Variants in ARHGEF18 observed in about 807,000 individuals in gnomAD.
ARHGEF18 encodes Rho/Rac guanine nucleotide exchange factor 18, also known as rho guanine nucleotide exchange factor 18.
ARHGEF18 carries 93 observed loss-of-function variants against 155.7 expected under a neutral mutation model. The observed-to-expected ratio is 0.60, with a 90% CI of 0.50 to 0.71. ARHGEF18 has a LOEUF of 0.71. Among genes scored for constraint, ARHGEF18 ranks in the 30% least tolerant of loss-of-function variants. The pLI is 0.00. For missense variants in ARHGEF18, 1,593 were observed against 1,816.1 expected (o/e 0.88, Z 2.23); for synonymous variants, 742 against 753.1 (o/e 0.99, Z 0.24).
chr19:7,427,233 G>T (rs936582580), intron 10 of ARHGEF18, among the ~76,000 whole-genome samples: 5 of 152,178 alleles, frequency 3.3e-5, no homozygotes, highest in African/African-American at 1.2e-4. Flanking sequence ...GAGGTCAAAT[G>T]TTGCCCCAGC....
At chr19:7,410,310 T>C (rs1463212669) in intron 10 of ARHGEF18, among the ~76,000 whole-genome samples, 1 of 152,132 alleles carries the variant, frequency 6.6e-6, no homozygotes, top group East Asian at 1.9e-4. Context: ...TGGTTTCCTC[T>C]GTCCGTCTTA....
rs1976657107 is a variant in ARHGEF18 at position 7,466,899 on chromosome 19, G to T, written c.2905-19G>T. 1.9e-6 allele frequency: 3 copies of T among 1,609,422 alleles called. No homozygotes were observed. In the East Asian group the frequency reaches 6.7e-5, roughly 36 times the overall value. On this transcript the variant is annotated intron_variant, in intron 23 of 28. Transcript: ENST00000668164. ...GGTCTTGAGCCACTCTCTCTGGTTTGACGGTGTCCTCTTCCCAGGTGGAGG... is the reference window on the plus strand; with the variant it reads ...GGTCTTGAGCCACTCTCTCTGGTTTTACGGTGTCCTCTTCCCAGGTGGAGG...
In ARHGEF18 at chr19:7,395,377, T is replaced by A; in HGVS notation, c.967+12174T>A. 1 of 932,352 alleles carries A rather than the reference T, an allele frequency of 1.1e-6. No individual in the cohort carries two copies. The highest frequency in any genetic ancestry group is 4.9e-5 in the South Asian group (1 of 20,234). The allele number at this position is 932,352 out of a possible 1,614,324, so 57.8% of individuals were successfully genotyped here. On this transcript the variant is annotated intron_variant, in intron 10 of 28. Coordinates refer to ENST00000668164, the MANE Select transcript of ARHGEF18 (RefSeq NM_001367823.1). The surrounding 1 kb of genome is among the most constrained non-coding windows in gnomAD (Gnocchi z 5.0). ...GGCCTCCCGCCGGCTCCTGGGGGAC[T>A]TCTCCAGGCAGGCGAACGGGTGCTG...
chr19:7,453,558 G>T lies in ARHGEF18; in HGVS notation c.1947G>T (p.Glu649Asp). Reference protein sequence around the residue: ...SQVDAKVSECEKGQRLREIAG... With the variant: ...SQVDAKVSECDKGQRLREIAG... Reference sequence around the variant, plus strand: ...TGGACGCCAAGGTCAGTGAGTGTGAGAAGGGCCAGCGCCTCAGGGAGATCG... The same window carrying T: ...TGGACGCCAAGGTCAGTGAGTGTGATAAGGGCCAGCGCCTCAGGGAGATCG... Residue 649 changes from glutamate (E) to aspartate (D), a missense_variant, in exon 17 of 29, where the codon GAG becomes GAT. Coordinates refer to ENST00000668164, the MANE Select transcript of ARHGEF18 (RefSeq NM_001367823.1). The T allele has an allele frequency of 1.9e-6, 3 of 1,614,120 alleles. No homozygotes were observed. The highest frequency in any genetic ancestry group is 2.5e-6 in the Non-Finnish European group (3 of 1,179,988).
intron 10 of ARHGEF18, among the ~76,000 whole-genome samples, chr19:7,386,645 C>T (rs1284515741): frequency 6.6e-6 from 1 of 152,046 alleles, no homozygotes; most frequent in Non-Finnish European, 1.5e-5. Context: ...CCCCGGGCAG[C>T]AGAAAGGCCA....
rs1792432330 is a variant in ARHGEF18 at position 7,382,899 on chromosome 19, G to A, written c.825+5G>A. On this transcript the variant is annotated splice_donor_5th_base_variant and intron_variant, in intron 9 of 28. Coordinates refer to ENST00000668164, the MANE Select transcript of ARHGEF18 (RefSeq NM_001367823.1). ...GTGACCAGGCAGAAGGAGAAGGTAA[G>A]GGGAGCTAAGCCACGGGGGCCCTCC... 2 of 1,232,530 alleles carry A rather than the reference G, an allele frequency of 1.6e-6. No individual in the cohort carries two copies. Among genetic ancestry groups the A allele is most frequent in the South Asian group, 4.1e-5 (1 of 24,316 alleles). 76.3% of individuals were successfully genotyped at this position (1,232,530 alleles called of 1,614,324 possible).
chr19:7,479,735 AT>A, the ARHGEF18 span, among the ~76,000 whole-genome samples: 14,672 of 152,252 alleles, frequency 0.096, 781 homozygotes, highest in South Asian at 0.18. Context: ...ATTCCATTTG[AT>A]TCTGCAAGGG....
At chr19:7,451,554 G>C (rs924949952) in intron 16 of ARHGEF18, among the ~76,000 whole-genome samples, 16 of 151,734 alleles carry the variant, frequency 1.1e-4, no homozygotes, top group African/African-American at 3.9e-4. Context: ...GGGACTACAG[G>C]CATACGCCAC....
At chr19:7,392,154 T>C (rs577169580) in intron 10 of ARHGEF18, among the ~76,000 whole-genome samples, 2 of 148,436 alleles carry the variant, frequency 1.3e-5, no homozygotes, top group African/African-American at 5.0e-5. Flanking sequence ...GGCAGGAGAA[T>C]TGCTTCAATC....
chr19:7,356,906 T>C (rs533708207), intron 1 of ARHGEF18, among the ~76,000 whole-genome samples: 2 of 152,266 alleles, frequency 1.3e-5, no homozygotes, highest in African/African-American at 2.4e-5. Flanking sequence ...CTGACCCTCC[T>C]TGAAGGCTCA....
rs758998889 is a variant in ARHGEF18, at chr19:7,444,479, A to C, written c.1611+25A>C. 6.2e-7 allele frequency: 1 copy of C among 1,608,292 alleles called. No individual in the cohort carries two copies. On this transcript the variant is annotated intron_variant, in intron 14 of 28. Coordinates refer to ENST00000668164, the MANE Select transcript of ARHGEF18 (RefSeq NM_001367823.1). The surrounding 1 kb of genome is among the most constrained non-coding windows in gnomAD (Gnocchi z 4.7). ...GGTGGGTGCAGCCGTGTTCATCTCA[A>C]CAGTCTTCAAAGCCTCTGCCTTGTC...
rs960254061 is a variant in ARHGEF18 at position 7,383,104 on chromosome 19, C to T, written c.868C>T (p.Arg290Ter). 3.1e-5 allele frequency: 38 copies of T among 1,232,218 alleles called. No homozygotes were observed. The highest frequency in any genetic ancestry group is 3.1e-4 in the Middle Eastern group (1 of 3,234). The allele number at this position is 1,232,218 out of a possible 1,614,324, so 76.3% of individuals were successfully genotyped here. Residue 290 changes from arginine to a stop codon, truncating the protein, a stop_gained, in exon 10 of 29, where the codon CGA becomes TGA. Coordinates refer to ENST00000668164, the MANE Select transcript of ARHGEF18 (RefSeq NM_001367823.1). LOFTEE classifies it high-confidence loss of function. ...AHLKDKGQDARERRECVNGHQ... is the reference protein window; with the variant it reads ...AHLKDKGQDA ...TCTGAAGGACAAGGGCCAGGATGCA[C>T]GAGAGAGGCGGGAGTGTGTCAATGG... is the stretch of plus-strand genomic sequence containing the variant.
At chr19:7,458,296 TTAAAAAA>T (rs989554312) in intron 18 of ARHGEF18, among the ~76,000 whole-genome samples, 1 of 110,032 alleles carries the variant, frequency 9.1e-6, no homozygotes, top group African/African-American at 3.5e-5. Flanking sequence ...CCAAGATAGT[TTAAAAAA>T]AAAAAAAAAA....
intron 1 of ARHGEF18, among the ~76,000 whole-genome samples, chr19:7,355,168 A>T (rs1600166372): frequency 6.6e-6 from 1 of 151,802 alleles, no homozygotes; most frequent in Non-Finnish European, 1.5e-5. Flanking sequence ...ACACCCCCAC[A>T]TTGACAAGCT....
downstream of ARHGEF18, chr19:7,477,322 GC>G: frequency 6.4e-7 from 1 of 1,558,460 alleles, no homozygotes; most frequent in Admixed American, 1.9e-5. Context: ...CCCACAGCAC[GC>G]CCCGGGGCAG....
At chr19:7,439,073 A>G (rs998282360) in intron 10 of ARHGEF18, among the ~76,000 whole-genome samples, 90 of 151,808 alleles carry the variant, frequency 5.9e-4, no homozygotes, top group African/African-American at 2.1e-3. Flanking sequence ...TTTTTTAAGT[A>G]GAGACGGGGG....
chr19:7,474,376 C>A (rs1344228864), downstream of ARHGEF18, among the ~76,000 whole-genome samples: 2 of 151,572 alleles, frequency 1.3e-5, no homozygotes. Context: ...TAATTTATTA[C>A]ATTTTTATTT....
chr19:7,387,663 A>G (rs1450260949), intron 10 of ARHGEF18, among the ~76,000 whole-genome samples: 1 of 151,968 alleles, frequency 6.6e-6, no homozygotes, highest in Non-Finnish European at 1.5e-5. Flanking sequence ...TTCCCAAGCT[A>G]CATCTTTGCT....
intron 10 of ARHGEF18, among the ~76,000 whole-genome samples, chr19:7,400,199 C>G (rs1441624431): frequency 3.3e-5 from 5 of 152,132 alleles, no homozygotes; most frequent in African/African-American, 1.2e-4. Context: ...TTTAATACAG[C>G]AGCTTTATTG....
Sources: gnomAD v4.1 joint callset for allele counts (sites outside exome capture counted in the v4.1 genomes callset) on GRCh38, gnomAD v4.1.1 for gene constraint, Gnocchi (gnomAD v3.1) non-coding constraint, MANE v1.5 for transcripts, NCBI Gene and HGNC (gene_info 2026-07-23, HGNC 2026-07-21) for gene names.